KCND2: variants seen among roughly 807,000 people sequenced by gnomAD.
KCND2 encodes A-type voltage-gated potassium channel KCND2.
Under a neutral mutation model 54.4 loss-of-function variants are expected in KCND2, and 16 were observed. That is an observed-to-expected ratio of 0.29 (90% CI 0.20 to 0.45). KCND2 has a LOEUF of 0.45. Ranked by LOEUF, KCND2 falls within the 20% of genes least tolerant of loss-of-function variation. The probability of loss-of-function intolerance (pLI) is 1.00; values close to 1 mark genes in which losing one functional copy is unlikely to be tolerated. For synonymous variants in KCND2, 317 were observed against 310.7 expected, an observed-to-expected ratio of 1.02 and a Z score of -0.21; for missense variants, 486 against 824.2, an observed-to-expected ratio of 0.59 and a Z score of 5.02.
intron 1 of KCND2, among the ~76,000 whole-genome samples, chr7:120,571,441 G>A (rs1276710933): frequency 1.3e-5 from 2 of 152,172 alleles, no homozygotes; most frequent in African/African-American, 4.8e-5. Context: ...ATAAGGGTTC[G>A]TGAAAGGAAC....
At chr7:120,408,166 G>C (rs907783689) in intron 1 of KCND2, among the ~76,000 whole-genome samples, 8 of 152,010 alleles carry the variant, frequency 5.3e-5, no homozygotes, top group African/African-American at 1.9e-4. Flanking sequence ...AGGAAGAATT[G>C]AGAATACATG....
At chr7:120,594,371 AT>A (rs770726824) in intron 1 of KCND2, among the ~76,000 whole-genome samples, 5 of 149,304 alleles carry the variant, frequency 3.3e-5, no homozygotes, top group Non-Finnish European at 7.4e-5. Flanking sequence ...ACAAGCATTT[AT>A]TTCTCACAGT....
chr7:120,284,364 G>A (rs755793605), intron 1 of KCND2, among the ~76,000 whole-genome samples: 8 of 152,022 alleles, frequency 5.3e-5, no homozygotes, highest in Non-Finnish European at 1.2e-4. Flanking sequence ...AGAAATTAAG[G>A]CTGTCTAACC....
At chr7:120,729,050 G>C (rs74434378) in intron 1 of KCND2, among the ~76,000 whole-genome samples, 1 of 152,180 alleles carries the variant, frequency 6.6e-6, no homozygotes, top group Non-Finnish European at 1.5e-5. Flanking sequence ...ATTTCAGAGA[G>C]ATGTGATTCC....
chr7:120,295,582 A>G (rs1212042022), intron 1 of KCND2, among the ~76,000 whole-genome samples: 2 of 152,024 alleles, frequency 1.3e-5, no homozygotes, highest in African/African-American at 2.4e-5. Context: ...AGCTATCAAG[A>G]GGAATGGGAA....
intron 1 of KCND2, among the ~76,000 whole-genome samples, chr7:120,577,474 G>A (rs990362279): frequency 1.3e-5 from 2 of 152,112 alleles, no homozygotes; most frequent in African/African-American, 4.8e-5. Flanking sequence ...TAAGAATGAA[G>A]ATCTGCCTGC....
chr7:120,426,546 T>G (rs985024081), intron 1 of KCND2, among the ~76,000 whole-genome samples: 48 of 151,882 alleles, frequency 3.2e-4, no homozygotes, highest in Non-Finnish European at 2.6e-4. Context: ...CTTTGGAGAC[T>G]GTTGTAAAAG....
intron 1 of KCND2, among the ~76,000 whole-genome samples, chr7:120,547,332 A>T (rs1222471855): frequency 1.3e-5 from 2 of 151,612 alleles, no homozygotes; most frequent in Non-Finnish European, 2.9e-5. Flanking sequence ...TCTCCATTCT[A>T]CTCTAATGTT....
intron 1 of KCND2, among the ~76,000 whole-genome samples, chr7:120,337,387 C>CAGG: frequency 6.6e-6 from 1 of 152,256 alleles, no homozygotes; most frequent in African/African-American, 2.4e-5. Flanking sequence ...GTAAAAACAT[C>CAGG]AGGGCCTAGC....
chr7:120,295,967 A>G (rs893062098), intron 1 of KCND2, among the ~76,000 whole-genome samples: 6 of 152,074 alleles, frequency 3.9e-5, no homozygotes, highest in Admixed American at 3.3e-4. Context: ...ATAATTCACA[A>G]ACAATTGGAC....
At chr7:120,573,440 A>G (rs1431999229) in intron 1 of KCND2, among the ~76,000 whole-genome samples, 2 of 152,198 alleles carry the variant, frequency 1.3e-5, no homozygotes, top group Non-Finnish European at 2.9e-5. Flanking sequence ...CGAAGTTTCT[A>G]TAGCACTGCA....
chr7:120,290,792 G>T (rs1799424860), intron 1 of KCND2, among the ~76,000 whole-genome samples: 1 of 151,800 alleles, frequency 6.6e-6, no homozygotes. Context: ...GATGCTTCCT[G>T]ATGTGGCTAA....
intron 1 of KCND2, among the ~76,000 whole-genome samples, chr7:120,282,378 A>G (rs1309401012): frequency 6.6e-6 from 1 of 152,172 alleles, no homozygotes. Context: ...GATAGATGCA[A>G]TTTCTGTCAG....
intron 1 of KCND2, among the ~76,000 whole-genome samples, chr7:120,661,652 A>C (rs1235127336): frequency 7.0e-6 from 1 of 143,096 alleles, no homozygotes; most frequent in African/African-American, 2.8e-5. Context: ...TTCTTCTCAA[A>C]AAAAAAAAAG....
intron 1 of KCND2, among the ~76,000 whole-genome samples, chr7:120,474,002 TG>T (rs1802498448): frequency 6.6e-6 from 1 of 152,096 alleles, no homozygotes; most frequent in Non-Finnish European, 1.5e-5. Context: ...AAACCTGCAG[TG>T]GTGTAATTGG....
intron 1 of KCND2, among the ~76,000 whole-genome samples, chr7:120,303,037 T>C (rs778711702): frequency 1.3e-5 from 2 of 152,216 alleles, no homozygotes; most frequent in African/African-American, 4.8e-5. Flanking sequence ...CTTTGTTACC[T>C]GTACTACATT....
intron 1 of KCND2, among the ~76,000 whole-genome samples, chr7:120,481,631 C>T (rs1377317605): frequency 6.6e-6 from 1 of 152,140 alleles, no homozygotes; most frequent in Non-Finnish European, 1.5e-5. Context: ...GCCCTGGGTG[C>T]CCTCCATTAG....
chr7:120,476,918 A>G (rs1802542317), intron 1 of KCND2, among the ~76,000 whole-genome samples: 3 of 152,196 alleles, frequency 2.0e-5, no homozygotes, highest in Admixed American at 2.0e-4. Flanking sequence ...ACTTTTCCAA[A>G]TGCCAGCAAG....
chr7:120,391,493 C>T (rs902237198), intron 1 of KCND2, among the ~76,000 whole-genome samples: 4 of 152,126 alleles, frequency 2.6e-5, no homozygotes, highest in African/African-American at 9.7e-5. Context: ...AATTGCCACA[C>T]TGTCTTCCAC....
Sources: allele counts gnomAD v4.1 joint callset (sites outside exome capture counted in the v4.1 genomes callset), GRCh38; gene constraint gnomAD v4.1.1; transcripts MANE v1.5; gene names NCBI Gene and HGNC (gene_info 2026-07-23, HGNC 2026-07-21).